Variants in WEE1 observed in about 807,000 individuals in gnomAD.
The protein encoded by WEE1 is wee1-like protein kinase.
WEE1 carries 16 observed loss-of-function variants against 68.8 expected under a neutral mutation model. The ratio of observed to expected loss-of-function variants is 0.23; its 90% CI spans 0.16 to 0.35. The LOEUF (loss-of-function observed/expected upper bound fraction) is 0.35, where lower values mean the gene tolerates loss of function less well. Ranked by LOEUF, WEE1 falls within the 10% of genes least tolerant of loss-of-function variation. The pLI is 1.00. For synonymous variants in WEE1, 349 were observed against 318.7 expected (o/e 1.09, Z -1.01); for missense variants, 651 against 824.1 (o/e 0.79, Z 2.57).
Position 9,573,968 on chromosome 11 carries a change from C to G in WEE1, c.35C>G (p.Pro12Arg). The change falls in exon 1 of 11, where the codon CCC (proline) becomes CGC (arginine). Residue 12 changes from proline to arginine, a missense_variant. Pro to Arg is a moderately radical substitution (Grantham distance 103, BLOSUM62 -2). This residue lies in a region of WEE1 where 395 missense variants were observed against 378.4 expected (regional missense o/e 1.04). Transcript: ENST00000450114. ...CTGAGCCGACAGCAGCCGCCGCCAC[C>G]CCGCCGCGCCGGGGCGGCCTGCACC... Reference protein sequence around the residue: ...SFLSRQQPPPPRRAGAACTLR... With the variant: ...SFLSRQQPPPRRRAGAACTLR... The G allele has an allele frequency of 7.7e-7, 1 of 1,294,870 alleles. No homozygotes were observed. The highest frequency in any genetic ancestry group is 9.8e-7 in the Non-Finnish European group (1 of 1,021,114). 80.2% of individuals were successfully genotyped at this position (1,294,870 alleles called of 1,614,324 possible).
chr11:9,574,863 C>CCTGA lies in WEE1; in HGVS notation c.576+356_576+359dup, dbSNP rs1288429816. 1 of 988,914 alleles carries CCTGA rather than the reference C, an allele frequency of 1.0e-6. No individual in the cohort carries two copies. Among genetic ancestry groups the CCTGA allele is most frequent in the Non-Finnish European group, 1.2e-6 (1 of 832,344 alleles). The allele number at this position is 988,914 out of a possible 1,614,324, so 61.3% of individuals were successfully genotyped here. On this transcript the variant is annotated intron_variant, in intron 1 of 10. Coordinates refer to ENST00000450114, the MANE Select transcript of WEE1 (RefSeq NM_003390.4). This position sits in a 1 kb window ranked among gnomAD's most constrained non-coding sequence, Gnocchi z 4.9. ...ATGCTGGAGGGTGCCGGCCCGGCCA[C>CCTGA]CTGACACTCCCGAGCCATAGGATGC... is the stretch of plus-strand genomic sequence containing the variant.
chr11:9,584,235 A>C (rs935845801), intron 6 of WEE1, among the ~76,000 whole-genome samples: 12 of 152,144 alleles, frequency 7.9e-5, no homozygotes, highest in Admixed American at 5.2e-4. Context: ...TCCTGGGCTC[A>C]AATGAACCTC....
rs1849737954 is a variant in WEE1, at chr11:9,589,394, A to G, written c.*792A>G. The G allele has an allele frequency of 5.1e-6, 5 of 984,926 alleles. No homozygotes were observed. Among genetic ancestry groups the G allele is most frequent in the Non-Finnish European group, 6.0e-6 (5 of 829,610 alleles). 61.0% of individuals were successfully genotyped at this position (984,926 alleles called of 1,614,324 possible). On this transcript the variant is annotated 3_prime_UTR_variant, in exon 11 of 11. Coordinates refer to ENST00000450114, the MANE Select transcript of WEE1 (RefSeq NM_003390.4). ...TACTGGTTTTGTAACTTGTTCTGGT[A>G]ATGTCCTTCCCGGACTCTTTTTAAA...
intron 1 of WEE1, chr11:9,575,421 C>A (rs1849555064): frequency 1.0e-6 from 1 of 996,126 alleles, no homozygotes; most frequent in Non-Finnish European, 1.2e-6. Flanking sequence ...TCAGCCTAGG[C>A]AATCTGTGTG....
At chr11:9,575,685 T>G (rs2134339729) in intron 1 of WEE1, 1 of 587,532 alleles carries the variant, frequency 1.7e-6, no homozygotes, top group South Asian at 2.2e-5. Context: ...ACTTGGCTAT[T>G]TTTTTCAAGA....
At chr11:9,577,545 G>A (rs1034051542) in intron 5 of WEE1, 3 of 380,768 alleles carry the variant, frequency 7.9e-6, no homozygotes, top group East Asian at 5.9e-5. Context: ...TTTGGTGTCC[G>A]TAGTACCTAG....
chr11:9,585,383 A>G (rs1849689134), intron 7 of WEE1, 30 bp downstream of exon 7: 2 of 1,606,452 alleles, frequency 1.2e-6, no homozygotes, highest in Admixed American at 1.7e-5. Context: ...TATTACCTTC[A>G]GATAAAGAGA....
Position 9,576,946 on chromosome 11 carries a change from T to C in WEE1, c.1020-196T>C, listed in dbSNP as rs576095921. Among the ~76,000 whole-genome samples the C allele has an allele frequency of 6.6e-6, 1 of 152,380 alleles. No individual in the cohort carries two copies. The highest frequency in any genetic ancestry group is 2.4e-5 in the African/African-American group (1 of 41,594). On this transcript the variant is annotated intron_variant, in intron 4 of 10. Transcript: ENST00000450114. This position sits in a 1 kb window ranked among gnomAD's most constrained non-coding sequence, Gnocchi z 4.3. ...GTCCTAGGGCAAGCAACATTTCTTCTTTCTGATAAATCTTTAATGGAATCT... is the reference window on the plus strand; with the variant it reads ...GTCCTAGGGCAAGCAACATTTCTTCCTTCTGATAAATCTTTAATGGAATCT...
chr11:9,578,813 C>T (rs1849591671), intron 5 of WEE1: 1 of 152,058 alleles, frequency 6.6e-6, no homozygotes, highest in African/African-American at 2.4e-5. Context: ...AGTCTTGCTA[C>T]CCTCTCAGAT....
intron 6 of WEE1, among the ~76,000 whole-genome samples, chr11:9,583,802 CATATATATATATATATAT>C (rs371859938): frequency 0.024 from 422 of 17,670 alleles, 4 homozygotes; most frequent in Non-Finnish European, 0.031. Flanking sequence ...CACACACACA[CATATATATATATATATAT>C]ATATATATAT....
chr11:9,573,840 C>T lies in WEE1; in HGVS notation c.-94C>T. The T allele has an allele frequency of 9.2e-7, 1 of 1,089,798 alleles. No homozygotes were observed. The highest frequency in any genetic ancestry group is 1.1e-6 in the Non-Finnish European group (1 of 872,380). 67.5% of individuals were successfully genotyped at this position (1,089,798 alleles called of 1,614,324 possible). A position where few individuals can be genotyped will look rare whatever the true frequency, so the allele number is the denominator to read the frequency against. The stretch of plus-strand genomic sequence containing the variant: ...CGCCGCGGCTGCGACTAGGCGCGCC[C>T]AGCCGCACGTGGCGGACCCGCCCCC... On this transcript the variant is annotated 5_prime_UTR_variant, in exon 1 of 11. Coordinates refer to ENST00000450114, the MANE Select transcript of WEE1 (RefSeq NM_003390.4).
intron 1 of WEE1, chr11:9,575,283 A>G (rs946398879): frequency 2.0e-6 from 2 of 986,564 alleles, no homozygotes; most frequent in Non-Finnish European, 2.4e-6. Context: ...GCAGATGACC[A>G]CTTTTAAAAC....
rs967600603 is a variant in WEE1 at position 9,585,249 on chromosome 11, G to A, written c.1289-9G>A. On this transcript the variant is annotated splice_polypyrimidine_tract_variant and intron_variant, in intron 6 of 10. Transcript: ENST00000450114. ...ATTAGTTTGGCTTACATAATTAACT[G>A]TTTGACAGGTAATATTTTCATATCT... is the stretch of plus-strand genomic sequence containing the variant. 3 of 1,601,728 alleles carry A rather than the reference G, an allele frequency of 1.9e-6. No homozygotes were observed. The highest frequency in any genetic ancestry group is 2.6e-6 in the Non-Finnish European group (3 of 1,169,948).
chr11:9,586,717 A>G lies in WEE1; in HGVS notation c.1648A>G (p.Ile550Val), dbSNP rs1447765031. Residue 550 changes from isoleucine to valine, a missense_variant, in exon 10 of 11, where the codon ATT becomes GTT. By Grantham distance (29) the Ile-to-Val change is conservative (BLOSUM62 3). This residue lies in a region of WEE1 where 115 missense variants were observed against 142.7 expected (regional missense o/e 0.81). Coordinates refer to ENST00000450114, the MANE Select transcript of WEE1 (RefSeq NM_003390.4). ...QEFTELLKVM[I>V]HPDPERRPSA... is the part of the protein sequence containing the mutation. The stretch of plus-strand genomic sequence containing the variant: ...TTTTACTTTTCTTTTTAAGGTTATG[A>G]TTCATCCAGATCCAGAGAGAAGACC... The G allele has an allele frequency of 2.5e-6, 4 of 1,613,474 alleles. No homozygotes were observed. The highest frequency in any genetic ancestry group is 3.3e-4 in the Middle Eastern group (2 of 6,058).
chr11:9,576,148 A>G lies in WEE1; in HGVS notation c.782+55A>G, dbSNP rs1849562726. 6.2e-7 allele frequency: 1 copy of G among 1,608,460 alleles called. No homozygotes were observed. Among genetic ancestry groups the G allele is most frequent in the African/African-American group, 1.3e-5 (1 of 74,660 alleles). On this transcript the variant is annotated intron_variant, in intron 2 of 10. Coordinates refer to ENST00000450114, the MANE Select transcript of WEE1 (RefSeq NM_003390.4). This position sits in a 1 kb window ranked among gnomAD's most constrained non-coding sequence, Gnocchi z 4.3. ...CCAAATAACCTAAGATTGGTTTGGT[A>G]TACTTATCAAAATTTAGTTCCTATT... is the stretch of plus-strand genomic sequence containing the variant.
chr11:9,576,235 G>T lies in WEE1; in HGVS notation c.788G>T (p.Cys263Phe). 6.5e-7 allele frequency: 1 copy of T among 1,527,542 alleles called. No individual in the cohort carries two copies. The highest frequency in any genetic ancestry group is 8.9e-7 in the Non-Finnish European group (1 of 1,124,206). The allele number at this position is 1,527,542 out of a possible 1,614,324, so 94.6% of individuals were successfully genotyped here. The change falls in exon 3 of 11, where the codon TGT becomes TTT. Residue 263 changes from cysteine (C) to phenylalanine (F), a missense_variant. By Grantham distance (205) the Cys-to-Phe change is radical. This residue lies in a region of WEE1 where 395 missense variants were observed against 378.4 expected (regional missense o/e 1.04). Coordinates refer to ENST00000450114, the MANE Select transcript of WEE1 (RefSeq NM_003390.4). The surrounding 1 kb of genome is among the most constrained non-coding windows in gnomAD (Gnocchi z 4.3). ...AAAAATAACATTTTTTTTAGTTCCTGTGGTGAAGACATGGAAGCCAGTGAT... is the reference window on the plus strand; with the variant it reads ...AAAAATAACATTTTTTTTAGTTCCTTTGGTGAAGACATGGAAGCCAGTGAT... Reference protein sequence around the residue: ...RRKRTYWNDSCGEDMEASDYE... With the variant: ...RRKRTYWNDSFGEDMEASDYE...
chr11:9,579,446 A>G (rs1849600611), intron 5 of WEE1: 1 of 152,146 alleles, frequency 6.6e-6, no homozygotes. Flanking sequence ...TAATTTCCTT[A>G]TTATCTTATT....
rs554842262 is a variant in WEE1 at position 9,581,242 on chromosome 11, C to CA, written c.1142-281dup. On this transcript the variant is annotated intron_variant, in intron 5 of 10. Coordinates refer to ENST00000450114, the MANE Select transcript of WEE1 (RefSeq NM_003390.4). ...CTTATAAATTAAAAACAAAAACAAA[C>CA]AAAAAAAAAGCCAACCTGATAATAC... is the stretch of plus-strand genomic sequence containing the variant. The CA allele has an allele frequency of 1.8e-3, 471 of 259,188 alleles. 3 individuals carry two copies. Among genetic ancestry groups the CA allele is most frequent in the South Asian group, 7.0e-3 (82 of 11,750 alleles). The allele number at this position is 259,188 out of a possible 1,614,324, so 16.1% of individuals were successfully genotyped here.
At position 9,573,978 on chromosome 11, in the gene WEE1, CG is replaced by C. The variant is rs1159708948; in HGVS notation, c.49del (p.Ala17ArgfsTer9). The stretch of plus-strand genomic sequence containing the variant: ...AGCAGCCGCCGCCACCCCGCCGCGC[CG>C]GGGCGGCCTGCACCTTGCGGCAGAA... The part of the protein sequence containing the change: ...RQQPPPPRRA[G>X]AACTLRQKLI... On this transcript the variant is annotated frameshift_variant, in exon 1 of 11. Coordinates refer to ENST00000450114, the MANE Select transcript of WEE1 (RefSeq NM_003390.4). LOFTEE classifies it high-confidence loss of function. 7 of 1,294,286 alleles carry C rather than the reference CG, an allele frequency of 5.4e-6. No individual in the cohort carries two copies. The highest frequency in any genetic ancestry group is 3.2e-5 in the East Asian group (1 of 31,400). The allele number at this position is 1,294,286 out of a possible 1,614,324, so 80.2% of individuals were successfully genotyped here.
Sources: gnomAD v4.1 joint callset for allele counts (sites outside exome capture counted in the v4.1 genomes callset) on GRCh38, gnomAD v4.1.1 for gene constraint, gnomAD v4.1.1 regional missense constraint, Gnocchi (gnomAD v3.1) non-coding constraint, MANE v1.5 for transcripts, NCBI Gene and HGNC (gene_info 2026-07-23, HGNC 2026-07-21) for gene names.